Variants in CTSH observed in about 807,000 individuals in gnomAD.
The protein encoded by CTSH is cathepsin H, also known as pro-cathepsin H.
In CTSH, 52 loss-of-function variants were observed where a neutral mutation model predicts 56.3. The ratio of observed to expected loss-of-function variants is 0.92; its 90% CI spans 0.74 to 1.16. The LOEUF is 1.16. Among genes scored for constraint, CTSH ranks in the 50% most tolerant of loss-of-function variants. The pLI, the probability that CTSH is intolerant of heterozygous loss-of-function variation, is 0.00. For missense variants in CTSH, 406 were observed against 424.5 expected (o/e 0.96, Z 0.38); for synonymous variants, 174 against 155.7 (o/e 1.12, Z -0.88).
chr15:78,925,686 C>G (rs1255554148), intron 9 of CTSH: 2 of 424,738 alleles, frequency 4.7e-6, no homozygotes, highest in East Asian at 9.6e-5. Flanking sequence ...CGGGGTACAG[C>G]GTGGACCTAC....
intron 9 of CTSH, chr15:78,927,279 A>G (rs2054926879): frequency 4.9e-6 from 1 of 205,146 alleles, no homozygotes; most frequent in Non-Finnish European, 9.9e-6. Flanking sequence ...CAGGAGTGCC[A>G]CACACCCTTT....
chr15:78,929,742 CTCT>C (rs2055006634), intron 7 of CTSH, among the ~76,000 whole-genome samples: 1 of 152,172 alleles, frequency 6.6e-6, no homozygotes, highest in Non-Finnish European at 1.5e-5. Context: ...AGGCCAGCCG[CTCT>C]GTCAGGAGTG....
intron 1 of CTSH, among the ~76,000 whole-genome samples, chr15:78,940,153 G>C (rs2055258228): frequency 6.7e-6 from 1 of 148,924 alleles, no homozygotes; most frequent in African/African-American, 2.4e-5. Flanking sequence ...AAACAAACAA[G>C]ACAAAATATT....
At chr15:78,927,553 G>T in intron 9 of CTSH, 160 bp downstream of exon 9, 1 of 635,154 alleles carries the variant, frequency 1.6e-6, no homozygotes, top group Non-Finnish European at 2.7e-6. Context: ...CTCCTGCCTC[G>T]CCACCATCAC....
intron 1 of CTSH, among the ~76,000 whole-genome samples, chr15:78,940,565 A>G (rs1165700977): frequency 6.6e-6 from 1 of 151,846 alleles, no homozygotes; most frequent in Non-Finnish European, 1.5e-5. Flanking sequence ...CTCTAAAAAT[A>G]AGATTGTTAT....
chr15:78,931,161 T>C (rs1390903464), intron 7 of CTSH, among the ~76,000 whole-genome samples: 2 of 152,084 alleles, frequency 1.3e-5, no homozygotes, highest in African/African-American at 4.8e-5. Context: ...TAAATTCTTT[T>C]GGCCACACTC....
chr15:78,925,277 G>C, intron 10 of CTSH, 57 bp downstream of exon 10: 1 of 1,116,588 alleles, frequency 9.0e-7, no homozygotes, highest in East Asian at 2.4e-5. Flanking sequence ...TGGGGTGTGA[G>C]GAGGCCCACC....
intron 8 of CTSH, among the ~76,000 whole-genome samples, chr15:78,928,557 TCC>T (rs2054968918): frequency 1.1e-5 from 1 of 92,716 alleles, no homozygotes; most frequent in African/African-American, 4.8e-5. Flanking sequence ...AGAGCAAGAC[TCC>T]GTCTCAAAAA....
At chr15:78,924,516 A>G (rs1302564553) in intron 10 of CTSH, among the ~76,000 whole-genome samples, 3 of 152,036 alleles carry the variant, frequency 2.0e-5, no homozygotes, top group Non-Finnish European at 2.9e-5. Context: ...AGGGAGGGAA[A>G]TGAGGCTGCA....
chr15:78,925,254 C>G lies in CTSH; in HGVS notation c.806+80G>C, dbSNP rs2054877577. 9 of 902,500 alleles carry G rather than the reference C, an allele frequency of 1.0e-5. No individual in the cohort carries two copies. The Admixed American group carries it at 1.1e-4, about 11-fold the overall frequency. 55.9% of individuals were successfully genotyped at this position (902,500 alleles called of 1,614,324 possible). ...CACACAGGAGTCTGGGCCACGAGCCCAAGTCCCACGAGTGGGGTGTGAGGA... is the reference window on the plus strand; with the variant it reads ...CACACAGGAGTCTGGGCCACGAGCCGAAGTCCCACGAGTGGGGTGTGAGGA... On this transcript the variant is annotated intron_variant, in intron 10 of 11. Coordinates refer to ENST00000220166, the MANE Select transcript of CTSH (RefSeq NM_004390.5).
intron 5 of CTSH, among the ~76,000 whole-genome samples, chr15:78,934,043 A>T (rs777354027): frequency 6.6e-6 from 1 of 152,094 alleles, no homozygotes; most frequent in African/African-American, 2.4e-5. Context: ...CTGAATTGTC[A>T]TGTGGTTCTC....
chr15:78,939,092 A>C lies in CTSH; in HGVS notation c.123+48T>G, dbSNP rs1434307183. 3.3e-6 allele frequency: 5 copies of C among 1,537,102 alleles called. No homozygotes were observed. The African/African-American group carries it at 5.5e-5, about 17-fold the overall frequency. ...TGGGACAGTTTGGTTTGATAACAGG[A>C]AACTTTGTGAAATGAAAAACTTCAA... On this transcript the variant is annotated intron_variant, in intron 2 of 11. Coordinates refer to ENST00000220166, the MANE Select transcript of CTSH (RefSeq NM_004390.5).
chr15:78,929,525 G>T, intron 7 of CTSH, 32 bp from the exon 8 acceptor site: 1 of 1,524,400 alleles, frequency 6.6e-7, no homozygotes, highest in Non-Finnish European at 9.0e-7. Flanking sequence ...GAGCCCACCT[G>T]GGGCTGTCCT....
At position 78,935,099 on chromosome 15, in the gene CTSH, C is replaced by T. The variant is rs905752698; in HGVS notation, c.301-17G>A. The T allele has an allele frequency of 6.4e-7, 1 of 1,552,404 alleles. No individual in the cohort carries two copies. Among genetic ancestry groups the T allele is most frequent in the East Asian group, 2.2e-5 (1 of 44,508 alleles). On this transcript the variant is annotated splice_polypyrimidine_tract_variant and intron_variant, in intron 4 of 11. Coordinates refer to ENST00000220166, the MANE Select transcript of CTSH (RefSeq NM_004390.5). ...TGAGCAATTCTGGAACAACCAAACA[C>T]ATTATTTTCAGGAAAATAAACAAAA...
At chr15:78,936,300 G>C (rs112943180) in intron 3 of CTSH, among the ~76,000 whole-genome samples, 2,341 of 150,176 alleles carry the variant, frequency 0.016, 69 homozygotes, top group African/African-American at 0.055. Flanking sequence ...TCCTGCCTCA[G>C]CTTCCCTAGT....
At chr15:78,929,284 A>C (rs2054992408) in intron 8 of CTSH, 128 bp downstream of exon 8, 1 of 759,288 alleles carries the variant, frequency 1.3e-6, no homozygotes, top group Admixed American at 2.2e-5. Flanking sequence ...ATTTGGAGAG[A>C]ACAGACAATT....
chr15:78,928,464 G>C (rs796304900), intron 8 of CTSH, among the ~76,000 whole-genome samples: 3 of 151,354 alleles, frequency 2.0e-5, no homozygotes, highest in African/African-American at 7.3e-5. Flanking sequence ...TACTCAGGAG[G>C]CTGAGGCAGA....
At chr15:78,922,670 C>G (rs2054797331) in intron 11 of CTSH, among the ~76,000 whole-genome samples, 1 of 152,214 alleles carries the variant, frequency 6.6e-6, no homozygotes, top group Non-Finnish European at 1.5e-5. Flanking sequence ...TTTGATTTCT[C>G]AAAGACGGAC....
chr15:78,938,744 T>C (rs974368095), intron 2 of CTSH, among the ~76,000 whole-genome samples: 1 of 152,214 alleles, frequency 6.6e-6, no homozygotes, highest in African/African-American at 2.4e-5. Context: ...CCCTCCAATA[T>C]ACTAATTTCC....
Sources: allele counts gnomAD v4.1 joint callset (sites outside exome capture counted in the v4.1 genomes callset), GRCh38; gene constraint gnomAD v4.1.1; transcripts MANE v1.5; gene names NCBI Gene and HGNC (gene_info 2026-07-23, HGNC 2026-07-21).